The following MTERF4 variants were observed in gnomAD, a reference collection of about 807,000 sequenced individuals.
MTERF4 encodes the protein mitochondrial transcription termination factor 4.
MTERF4 carries 17 observed loss-of-function variants against 22.5 expected under a neutral mutation model. The ratio of observed to expected loss-of-function variants is 0.75; its 90% CI spans 0.52 to 1.13. The LOEUF (loss-of-function observed/expected upper bound fraction) is 1.13, where lower values mean the gene tolerates loss of function less well. Ranked by LOEUF, MTERF4 falls within the 50% of genes most tolerant of loss-of-function variation. The pLI, the probability that MTERF4 is intolerant of heterozygous loss-of-function variation, is 0.00. For synonymous variants in MTERF4, 165 were observed against 175.3 expected (o/e 0.94, Z 0.47); for missense variants, 420 against 466.8 (o/e 0.90, Z 0.92).
chr2:241,064,733 G>C, the MTERF4 span: 14 of 718,876 alleles, frequency 1.9e-5, no homozygotes, highest in Middle Eastern at 1.5e-3. The surrounding 1 kb of genome is among the most constrained non-coding windows in gnomAD (Gnocchi z 7.0). Flanking sequence ...TGTGCCCCCC[G>C]CCCCTCCACA....
In MTERF4 at chr2:241,075,264, G is replaced by C. The variant is rs1435284243; in HGVS notation, n.898C>G. On this transcript the variant is annotated non_coding_transcript_exon_variant, in exon 5 of 5. Transcript: ENST00000464344. This position sits in a 1 kb window ranked among gnomAD's most constrained non-coding sequence, Gnocchi z 4.8. ...AGTGGAAAAGCTGGATCTAGGATGA[G>C]GATGTGTGAATGCCCAAATTACATG... is the stretch of plus-strand genomic sequence containing the variant. The C allele has an allele frequency of 6.6e-6, 1 of 152,216 alleles. No individual in the cohort carries two copies. The highest frequency in any genetic ancestry group is 6.5e-5 in the Admixed American group (1 of 15,280). The allele number at this position is 152,216 out of a possible 1,614,324, so 9.4% of individuals were successfully genotyped here.
the MTERF4 span, chr2:241,049,107 C>G: frequency 6.2e-7 from 1 of 1,611,960 alleles, no homozygotes; most frequent in South Asian, 1.1e-5. Flanking sequence ...ACCTCTGCGT[C>G]TGCCACACCG....
At chr2:241,049,863 C>T in the MTERF4 span, 130 of 1,613,894 alleles carry the variant, frequency 8.1e-5, 2 homozygotes, top group South Asian at 1.2e-3. Context: ...ACGGAGGCTC[C>T]TGCGATGCCC....
chr2:241,059,454 G>T, the MTERF4 span, among the ~76,000 whole-genome samples: 1 of 152,132 alleles, frequency 6.6e-6, no homozygotes, highest in Non-Finnish European at 1.5e-5. Flanking sequence ...AACTCACCTT[G>T]ATACCAAAAC....
At chr2:241,088,189 G>A (rs568322171), downstream of MTERF4, 31 of 597,844 alleles carry the variant, frequency 5.2e-5, no homozygotes, top group Middle Eastern at 5.3e-4. Context: ...CCAGGCGGGC[G>A]CACACAAACT....
intron 4 of MTERF4, among the ~76,000 whole-genome samples, chr2:241,079,565 G>A (rs982156403): frequency 6.6e-6 from 1 of 152,152 alleles, no homozygotes; most frequent in Non-Finnish European, 1.5e-5. Context: ...GGAAAGAACT[G>A]CATAATGGGA....
Position 241,096,702 on chromosome 2 carries a change from G to T in MTERF4, c.706-264C>A. On this transcript the variant is annotated intron_variant, in intron 3 of 3. Transcript: ENST00000391980. The surrounding 1 kb of genome is among the most constrained non-coding windows in gnomAD (Gnocchi z 5.1). ...GGAGGGAGAAGGGGCAGAAGGAAGA[G>T]GTGGTATTTTTCTTTAAATGGGGAA... The T allele has an allele frequency of 1.5e-6, 1 of 653,496 alleles. No individual in the cohort carries two copies. The highest frequency in any genetic ancestry group is 3.1e-5 in the East Asian group (1 of 32,146). The allele number at this position is 653,496 out of a possible 1,614,324, so 40.5% of individuals were successfully genotyped here. A position where few individuals can be genotyped will look rare whatever the true frequency, so the allele number is the denominator to read the frequency against.
chr2:241,078,002 T>G (rs1018188989), intron 4 of MTERF4, among the ~76,000 whole-genome samples: 34 of 152,124 alleles, frequency 2.2e-4, no homozygotes, highest in African/African-American at 7.7e-4. Flanking sequence ...TGAAAACCTA[T>G]GTCCACATGA....
the MTERF4 span, chr2:241,063,942 C>T: frequency 8.4e-7 from 1 of 1,188,256 alleles, no homozygotes; most frequent in Non-Finnish European, 1.2e-6. Flanking sequence ...TCCCTTCTTC[C>T]CGCTGTCCTC....
the MTERF4 span, chr2:241,052,255 G>T: frequency 6.9e-7 from 1 of 1,439,220 alleles, no homozygotes; most frequent in Non-Finnish European, 9.7e-7. Flanking sequence ...AGGCCCTGGA[G>T]GCGCAGGAGG....
At chr2:241,053,411 G>A in the MTERF4 span, 10 of 1,390,346 alleles carry the variant, frequency 7.2e-6, no homozygotes, top group Admixed American at 2.3e-5. Flanking sequence ...GGGGCTGCAG[G>A]CCCAAGCCTG....
Position 241,096,701 on chromosome 2 carries a change from AG to A in MTERF4, c.706-264del. ...AGGAGGGAGAAGGGGCAGAAGGAAGAGGTGGTATTTTTCTTTAAATGGGGAA... is the reference window on the plus strand; with the variant it reads ...AGGAGGGAGAAGGGGCAGAAGGAAGAGTGGTATTTTTCTTTAAATGGGGAA... On this transcript the variant is annotated intron_variant, in intron 3 of 3. Coordinates refer to ENST00000391980, the MANE Select transcript of MTERF4 (RefSeq NM_182501.4). This position sits in a 1 kb window ranked among gnomAD's most constrained non-coding sequence, Gnocchi z 5.1. The A allele has an allele frequency of 1.5e-6, 1 of 655,860 alleles. No homozygotes were observed. The highest frequency in any genetic ancestry group is 1.6e-5 in the South Asian group (1 of 64,132). The allele number at this position is 655,860 out of a possible 1,614,324, so 40.6% of individuals were successfully genotyped here. A position where few individuals can be genotyped will look rare whatever the true frequency, so the allele number is the denominator to read the frequency against.
In MTERF4 at chr2:241,095,836, T is replaced by C; in HGVS notation, c.*162A>G. 7.5e-7 allele frequency: 1 copy of C among 1,325,212 alleles called. No individual in the cohort carries two copies. Among genetic ancestry groups the C allele is most frequent in the Non-Finnish European group, 1.0e-6 (1 of 974,044 alleles). The allele number at this position is 1,325,212 out of a possible 1,614,324, so 82.1% of individuals were successfully genotyped here. ...ATTTCCTGTTTCCTGTTTGGTTTGA[T>C]CTGTCTGCCTCTCAGGTGACTTATA... is the stretch of plus-strand genomic sequence containing the variant. On this transcript the variant is annotated 3_prime_UTR_variant, in exon 4 of 4. Transcript: ENST00000391980.
At chr2:241,069,945 C>T (rs375998697), downstream of MTERF4, 155 of 1,612,650 alleles carry the variant, frequency 9.6e-5, no homozygotes, top group Admixed American at 3.3e-5. This position sits in a 1 kb window ranked among gnomAD's most constrained non-coding sequence, Gnocchi z 4.9. Flanking sequence ...CAAACCTGAC[C>T]GCCGCCCGAG....
downstream of MTERF4, chr2:241,068,046 C>T: frequency 9.0e-7 from 1 of 1,113,154 alleles, no homozygotes; most frequent in South Asian, 1.5e-5. This position sits in a 1 kb window ranked among gnomAD's most constrained non-coding sequence, Gnocchi z 5.3. Flanking sequence ...CGTGTGTGGA[C>T]TGTACCACCT....
chr2:241,048,692 G>A, the MTERF4 span: 1 of 1,612,542 alleles, frequency 6.2e-7, no homozygotes, highest in Non-Finnish European at 8.5e-7. Context: ...TGCCGCAACG[G>A]AGGCAGATGC....
At chr2:241,049,086 C>T in the MTERF4 span, 25 of 1,613,164 alleles carry the variant, frequency 1.5e-5, no homozygotes, top group East Asian at 1.6e-4. Flanking sequence ...GCATGGAGCA[C>T]GGCGGGAGCT....
At chr2:241,100,028 A>T (rs1559342024) in intron 1 of MTERF4, 134 bp from the exon 2 acceptor site, 1 of 1,127,764 alleles carries the variant, frequency 8.9e-7, no homozygotes. Context: ...AATCTGCAAA[A>T]TCCTATCTGA....
At chr2:241,088,652 G>A (rs1211079340), downstream of MTERF4, 1 of 519,328 alleles carries the variant, frequency 1.9e-6, no homozygotes, top group East Asian at 3.1e-5. Flanking sequence ...TCTGTGGATA[G>A]GGCAAATCCC....
Sources: gnomAD v4.1 joint callset for allele counts (sites outside exome capture counted in the v4.1 genomes callset) on GRCh38, gnomAD v4.1.1 for gene constraint, Gnocchi (gnomAD v3.1) non-coding constraint, MANE v1.5 for transcripts, NCBI Gene and HGNC (gene_info 2026-07-23, HGNC 2026-07-21) for gene names.